The following GTF2IRD1 variants were observed in gnomAD, a reference collection of about 807,000 sequenced individuals.
GTF2IRD1 encodes GTF2I repeat domain containing 1.
In GTF2IRD1, 26 loss-of-function variants were observed where a neutral mutation model predicts 113.2. The observed-to-expected ratio is 0.23, with a 90% CI of 0.17 to 0.32. The LOEUF is 0.32. Among genes scored for constraint, GTF2IRD1 ranks in the 10% least tolerant of loss-of-function variants. The probability of loss-of-function intolerance (pLI) is 1.00; values close to 1 mark genes in which losing one functional copy is unlikely to be tolerated. For missense variants in GTF2IRD1, 864 were observed against 1,280.8 expected, an observed-to-expected ratio of 0.67 and a Z score of 4.97; for synonymous variants, 484 against 529.1, an observed-to-expected ratio of 0.91 and a Z score of 1.17.
At chr7:74,477,919 G>A (rs1378993585) in intron 1 of GTF2IRD1, among the ~76,000 whole-genome samples, 1 of 152,196 alleles carries the variant, frequency 6.6e-6, no homozygotes, top group Non-Finnish European at 1.5e-5. Context: ...TCTGGCAAGC[G>A]AAGGGTTCTT....
intron 1 of GTF2IRD1, among the ~76,000 whole-genome samples, chr7:74,481,206 G>A (rs966391514): frequency 3.9e-5 from 6 of 152,216 alleles, no homozygotes; most frequent in Non-Finnish European, 7.3e-5. Context: ...CCAGGCTGGA[G>A]TGCAGTGGCG....
chr7:74,588,129 C>T (rs1444002304), intron 22 of GTF2IRD1, among the ~76,000 whole-genome samples: 8 of 129,714 alleles, frequency 6.2e-5, no homozygotes, highest in East Asian at 2.2e-4. Flanking sequence ...TTTTTTGAGA[C>T]GGAGTTTCGC....
intron 22 of GTF2IRD1, among the ~76,000 whole-genome samples, chr7:74,583,523 C>G (rs1554366812): frequency 1.3e-5 from 2 of 151,690 alleles, no homozygotes; most frequent in Non-Finnish European, 2.9e-5. Flanking sequence ...AGGCATTTAG[C>G]CCCACTCCAC....
intron 22 of GTF2IRD1, among the ~76,000 whole-genome samples, chr7:74,571,991 G>T (rs1214942840): frequency 1.3e-5 from 2 of 152,194 alleles, no homozygotes; most frequent in South Asian, 2.1e-4. Flanking sequence ...GCACAGGGCT[G>T]TGATCCCTTT....
intron 9 of GTF2IRD1, among the ~76,000 whole-genome samples, chr7:74,531,504 C>CT (rs587651173): frequency 1.6e-3 from 243 of 152,276 alleles, no homozygotes; most frequent in African/African-American, 5.5e-3. Flanking sequence ...TCCAAGTACA[C>CT]TTTTTTCTAT....
chr7:74,504,973 G>T (rs896127087), intron 1 of GTF2IRD1, among the ~76,000 whole-genome samples: 12 of 151,958 alleles, frequency 7.9e-5, no homozygotes, highest in Admixed American at 7.9e-4. Flanking sequence ...CTCTCAAAGC[G>T]CTGGGATTAC....
intron 25 of GTF2IRD1, 27 bp downstream of exon 25, chr7:74,595,078 T>G (rs782603451): frequency 4.5e-6 from 7 of 1,551,208 alleles, no homozygotes; most frequent in Non-Finnish European, 6.2e-6. Context: ...GAAGCCACCC[T>G]TCTGCTCCGT....
intron 22 of GTF2IRD1, among the ~76,000 whole-genome samples, chr7:74,568,012 C>A (rs1468917330): frequency 6.6e-6 from 1 of 151,988 alleles, no homozygotes; most frequent in Non-Finnish European, 1.5e-5. Context: ...GTGTCAAACT[C>A]CTGACCTCAA....
chr7:74,499,037 G>A (rs923142460), intron 1 of GTF2IRD1, among the ~76,000 whole-genome samples: 4 of 152,210 alleles, frequency 2.6e-5, no homozygotes, highest in African/African-American at 9.6e-5. Flanking sequence ...GCCTGGTCCT[G>A]TAATTCTCTC....
rs530331128 is a variant in GTF2IRD1, at chr7:74,490,091, C to T, written c.-6-17984C>T. On this transcript the variant is annotated intron_variant, in intron 1 of 26. Coordinates refer to ENST00000424337, the MANE Select transcript of GTF2IRD1 (RefSeq NM_005685.4). ...AAGCTATCCTCCTGCCTCAGCACCC[C>T]GAGTAGCTGGGACAACAGGCACGCA... Among the ~76,000 whole-genome samples the T allele has an allele frequency of 5.3e-5, 8 of 152,160 alleles. No individual in the cohort carries two copies. In the South Asian group the frequency reaches 1.4e-3, roughly 28 times the overall value.
intron 22 of GTF2IRD1, among the ~76,000 whole-genome samples, chr7:74,574,502 A>G (rs1278813270): frequency 6.9e-6 from 1 of 145,266 alleles, no homozygotes; most frequent in African/African-American, 2.6e-5. Flanking sequence ...TCTGTCACTC[A>G]GGCTGGAGTG....
chr7:74,547,228 A>G lies in GTF2IRD1; in HGVS notation c.1858A>G (p.Ile620Val). 1 of 1,613,454 alleles carries G rather than the reference A, an allele frequency of 6.2e-7. No homozygotes were observed. Among genetic ancestry groups the G allele is most frequent in the Non-Finnish European group, 8.5e-7 (1 of 1,179,850 alleles). The change falls in exon 17 of 27, where the codon ATC becomes GTC. Residue 620 changes from isoleucine (I) to valine (V), a missense_variant. By Grantham distance (29) the Ile-to-Val change is conservative. Transcript: ENST00000424337. ...ISLRRPNCFG[I>V]AKLRKILEAS... ...CCTCCGCAGGCCCAACTGCTTCGGGATCGCCAAGCTCCGGAAGATTCTGGA... is the reference window on the plus strand; with the variant it reads ...CCTCCGCAGGCCCAACTGCTTCGGGGTCGCCAAGCTCCGGAAGATTCTGGA...
At chr7:74,570,579 A>G (rs1408361542) in intron 22 of GTF2IRD1, among the ~76,000 whole-genome samples, 3 of 151,822 alleles carry the variant, frequency 2.0e-5, no homozygotes, top group African/African-American at 7.3e-5. Context: ...GCTTGAGCCC[A>G]GGAAGTCAAA....
chr7:74,570,313 A>C (rs762539855), intron 22 of GTF2IRD1, among the ~76,000 whole-genome samples: 1 of 151,302 alleles, frequency 6.6e-6, no homozygotes, highest in Non-Finnish European at 1.5e-5. Context: ...CAATGAGCTG[A>C]GATCACACCA....
intron 22 of GTF2IRD1, among the ~76,000 whole-genome samples, chr7:74,566,036 C>CAT (rs1422833337): frequency 2.0e-5 from 3 of 151,538 alleles, no homozygotes; most frequent in Non-Finnish European, 4.4e-5. Flanking sequence ...CACACACACA[C>CAT]ACCCTAAAGA....
chr7:74,494,465 G>A (rs1423769638), intron 1 of GTF2IRD1, among the ~76,000 whole-genome samples: 1 of 152,216 alleles, frequency 6.6e-6, no homozygotes, highest in African/African-American at 2.4e-5. Context: ...GTGAGTGAGT[G>A]GCTGGGGGAA....
intron 4 of GTF2IRD1, among the ~76,000 whole-genome samples, chr7:74,517,427 CT>C (rs59499031): frequency 5.1e-3 from 394 of 77,414 alleles, no homozygotes; most frequent in Middle Eastern, 0.011. Context: ...CTCCCTACAC[CT>C]TTTTTTTTTT....
rs1554344457 is a variant in GTF2IRD1, at chr7:74,515,507, G to T, written c.332G>T (p.Gly111Val). 2 of 1,613,504 alleles carry T rather than the reference G, an allele frequency of 1.2e-6. No individual in the cohort carries two copies. Among genetic ancestry groups the T allele is most frequent in the Non-Finnish European group, 1.7e-6 (2 of 1,179,746 alleles). Residue 111 changes from glycine (G) to valine (V), a missense_variant, in exon 4 of 27, where the codon GGC becomes GTC. Transcript: ENST00000424337. ...PKKVQRGEGGGRSLPRSSLEH... is the reference protein window; with the variant it reads ...PKKVQRGEGGVRSLPRSSLEH... ...AAGGTGCAGCGGGGCGAGGGTGGAGGCCGTAGCCTCCCTCGGTCCTCCCTG... is the reference window on the plus strand; with the variant it reads ...AAGGTGCAGCGGGGCGAGGGTGGAGTCCGTAGCCTCCCTCGGTCCTCCCTG...
chr7:74,496,019 C>A (rs1234546939), intron 1 of GTF2IRD1, among the ~76,000 whole-genome samples: 2 of 151,670 alleles, frequency 1.3e-5, no homozygotes, highest in African/African-American at 2.4e-5. Context: ...CTTGGACTAG[C>A]GTGTGTGTGA....
Sources: allele counts gnomAD v4.1 joint callset (sites outside exome capture counted in the v4.1 genomes callset), GRCh38; gene constraint gnomAD v4.1.1; transcripts MANE v1.5; gene names NCBI Gene and HGNC (gene_info 2026-07-23, HGNC 2026-07-21).